The following ABHD2 variants were observed in gnomAD, a reference collection of about 807,000 sequenced individuals.
ABHD2 encodes monoacylglycerol lipase ABHD2.
A neutral mutation model predicts 48.1 loss-of-function variants in ABHD2; 20 were observed. That is an observed-to-expected ratio of 0.42 (90% CI 0.29 to 0.60). ABHD2 has a LOEUF of 0.60. ABHD2 is among the 20% of genes least tolerant of loss of function. The pLI, the probability that ABHD2 is intolerant of heterozygous loss-of-function variation, is 0.24. For synonymous variants in ABHD2, 209 were observed against 214.2 expected (o/e 0.98, Z 0.21); for missense variants, 405 against 550.9 (o/e 0.74, Z 2.65).
In ABHD2 at chr15:89,147,000, G is replaced by A. The variant is rs57116785; in HGVS notation, c.195-4677G>A. Among the ~76,000 whole-genome samples the A allele has an allele frequency of 2.8e-3, 424 of 152,266 alleles. 2 individuals are homozygous for A. The highest frequency in any genetic ancestry group is 9.3e-3 in the African/African-American group (387 of 41,542). On this transcript the variant is annotated intron_variant, in intron 3 of 10. Coordinates refer to ENST00000352732, the MANE Select transcript of ABHD2 (RefSeq NM_152924.5). This position sits in a 1 kb window ranked among gnomAD's most constrained non-coding sequence, Gnocchi z 4.2. ...TTGAAAAATAACAAAGGCAGCCTGCGCTATCAACTATCAAAGTATCTCATA... is the reference window on the plus strand; with the variant it reads ...TTGAAAAATAACAAAGGCAGCCTGCACTATCAACTATCAAAGTATCTCATA...
At chr15:89,131,437 G>C (rs2050218123) in intron 3 of ABHD2, among the ~76,000 whole-genome samples, 1 of 152,156 alleles carries the variant, frequency 6.6e-6, no homozygotes, top group Non-Finnish European at 1.5e-5. Flanking sequence ...GATAGCATCT[G>C]GTGTGGCCTT....
At chr15:89,070,810 G>GC in the ABHD2 span, among the ~76,000 whole-genome samples, 1 of 152,074 alleles carries the variant, frequency 6.6e-6, no homozygotes, top group Non-Finnish European at 1.5e-5. Flanking sequence ...ATCATAAGGG[G>GC]CCCCCTATCC....
At position 89,190,718 on chromosome 15, in the gene ABHD2, G is replaced by A. The variant is rs558038993; in HGVS notation, c.927-362G>A. Among the ~76,000 whole-genome samples the A allele has an allele frequency of 2.6e-5, 4 of 152,302 alleles. No homozygotes were observed. The South Asian group carries it at 8.3e-4, about 32-fold the overall frequency. On this transcript the variant is annotated intron_variant, in intron 8 of 10. Transcript: ENST00000352732. Reference sequence around the variant, plus strand: ...TCATAAGTCTCACAGTTCCATTGAGGAAGGCCCTGTCTTCAGATTCATTTT... The same window carrying A: ...TCATAAGTCTCACAGTTCCATTGAGAAAGGCCCTGTCTTCAGATTCATTTT...
chr15:89,156,821 A>G (rs144760529), intron 5 of ABHD2, among the ~76,000 whole-genome samples: 10 of 152,340 alleles, frequency 6.6e-5, no homozygotes, highest in African/African-American at 2.4e-4. Flanking sequence ...TGTATACATA[A>G]ACAATAAACA....
At chr15:89,081,314 C>T in the ABHD2 span, among the ~76,000 whole-genome samples, 9 of 151,984 alleles carry the variant, frequency 5.9e-5, no homozygotes, top group Non-Finnish European at 7.4e-5. Flanking sequence ...GCCACTGCAC[C>T]GGCCAATTTC....
chr15:89,044,420 G>T, the ABHD2 span, among the ~76,000 whole-genome samples: 43 of 152,128 alleles, frequency 2.8e-4, no homozygotes, highest in Non-Finnish European at 7.4e-5. Context: ...TATATACCCA[G>T]TAATGGGATG....
intron 5 of ABHD2, among the ~76,000 whole-genome samples, chr15:89,170,080 C>T (rs12916808): frequency 9.6e-3 from 359 of 37,340 alleles, no homozygotes; most frequent in Middle Eastern, 0.056. Flanking sequence ...AGATCAGATT[C>T]TTTTTTTTTT....
chr15:89,162,245 C>T (rs186975090), intron 5 of ABHD2, among the ~76,000 whole-genome samples: 1 of 152,182 alleles, frequency 6.6e-6, no homozygotes, highest in African/African-American at 2.4e-5. Context: ...AAACAGTACT[C>T]CTCAAGAGCA....
rs910564246 is a variant in ABHD2, at chr15:89,155,354, C to A, written c.371-13C>A. 12 of 1,608,104 alleles carry A rather than the reference C, an allele frequency of 7.5e-6. No individual in the cohort carries two copies. Among genetic ancestry groups the A allele is most frequent in the Non-Finnish European group, 1.0e-5 (12 of 1,175,424 alleles). On this transcript the variant is annotated splice_polypyrimidine_tract_variant and intron_variant, in intron 4 of 10. Transcript: ENST00000352732. The surrounding 1 kb of genome is among the most constrained non-coding windows in gnomAD (Gnocchi z 4.9). ...TTCTTGGATACATCAGGATCTCTTT[C>A]TCTACGCTATAGATGATATCACCAT...
At position 89,104,057 on chromosome 15, in the gene ABHD2, C is replaced by A. The variant is rs1296549202; in HGVS notation, c.-106-9668C>A. On this transcript the variant is annotated intron_variant, in intron 1 of 10. Transcript: ENST00000352732. This position sits in a 1 kb window ranked among gnomAD's most constrained non-coding sequence, Gnocchi z 4.4. ...CACAGCGTCCGAGGTATTTATAAAA[C>A]AGAAATAAGTAAAGCATGCCTCAAA... The A allele has an allele frequency of 6.6e-6, 1 of 152,210 alleles. No homozygotes were observed. Among genetic ancestry groups the A allele is most frequent in the East Asian group, 1.9e-4 (1 of 5,194 alleles). The allele number at this position is 152,210 out of a possible 1,614,324, so 9.4% of individuals were successfully genotyped here.
intron 3 of ABHD2, among the ~76,000 whole-genome samples, chr15:89,117,048 T>TAA (rs1187428485): frequency 1.3e-5 from 2 of 152,130 alleles, no homozygotes; most frequent in Non-Finnish European, 2.9e-5. Context: ...TTTTTTTAGA[T>TAA]AGAGTCTTGC....
chr15:89,065,735 A>G, the ABHD2 span, among the ~76,000 whole-genome samples: 1 of 152,124 alleles, frequency 6.6e-6, no homozygotes, highest in Non-Finnish European at 1.5e-5. Flanking sequence ...AGCTTTGGTT[A>G]TCTTCAAGCA....
chr15:89,068,198 A>G, the ABHD2 span, among the ~76,000 whole-genome samples: 1 of 17,080 alleles, frequency 5.9e-5, no homozygotes, highest in South Asian at 6.8e-3. Context: ...GTGCGCGTGC[A>G]CACACACACA....
chr15:89,048,983 T>C, the ABHD2 span, among the ~76,000 whole-genome samples: 17 of 151,818 alleles, frequency 1.1e-4, no homozygotes, highest in South Asian at 2.9e-3. Flanking sequence ...GTTTCCATTT[T>C]TTCTGCTCTG....
the ABHD2 span, among the ~76,000 whole-genome samples, chr15:89,059,560 A>T: frequency 1.3e-5 from 2 of 152,046 alleles, no homozygotes; most frequent in Admixed American, 6.6e-5. Context: ...GGGGAAAAAA[A>T]CCTCTTGAAC....
chr15:89,069,152 ATCTC>A, the ABHD2 span, among the ~76,000 whole-genome samples: 1 of 108,470 alleles, frequency 9.2e-6, no homozygotes, highest in African/African-American at 3.8e-5. Context: ...AAGAGATAGG[ATCTC>A]TCTCTGTTGC....
chr15:89,125,106 G>A (rs2050111621), intron 3 of ABHD2, among the ~76,000 whole-genome samples: 2 of 150,784 alleles, frequency 1.3e-5, no homozygotes, highest in South Asian at 4.2e-4. Flanking sequence ...AAAAAAACCA[G>A]TTAGTTGGGC....
At chr15:89,082,019 G>T in the ABHD2 span, among the ~76,000 whole-genome samples, 3 of 151,976 alleles carry the variant, frequency 2.0e-5, no homozygotes, top group Admixed American at 2.0e-4. This position sits in a 1 kb window ranked among gnomAD's most constrained non-coding sequence, Gnocchi z 4.4. Context: ...ATTCTTTGTT[G>T]TGGGGCTGTC....
chr15:89,143,994 T>C (rs772825343), intron 3 of ABHD2, among the ~76,000 whole-genome samples: 1 of 152,094 alleles, frequency 6.6e-6, no homozygotes, highest in Non-Finnish European at 1.5e-5. Flanking sequence ...AAGTTAAACA[T>C]AGAATTGCCA....
Sources: allele counts gnomAD v4.1 joint callset (sites outside exome capture counted in the v4.1 genomes callset), GRCh38; gene constraint gnomAD v4.1.1; non-coding constraint Gnocchi (gnomAD v3.1); transcripts MANE v1.5; gene names NCBI Gene and HGNC (gene_info 2026-07-23, HGNC 2026-07-21).